ST18: variants seen among roughly 807,000 people sequenced by gnomAD.
The protein encoded by ST18 is suppression of tumorigenicity 18 protein.
A neutral mutation model predicts 110.0 loss-of-function variants in ST18; 50 were observed. That is an observed-to-expected ratio of 0.45 (90% CI 0.36 to 0.58). The LOEUF is 0.58. Among genes scored for constraint, ST18 ranks in the 20% least tolerant of loss-of-function variants. The pLI, the probability that ST18 is intolerant of heterozygous loss-of-function variation, is 0.00. For synonymous variants in ST18, 461 were observed against 452.4 expected, an observed-to-expected ratio of 1.02 and a Z score of -0.24; for missense variants, 1,306 against 1,280.1, an observed-to-expected ratio of 1.02 and a Z score of -0.31.
At chr8:52,294,035 A>C (rs2139397460) in intron 2 of ST18, among the ~76,000 whole-genome samples, 1 of 152,278 alleles carries the variant, frequency 6.6e-6, no homozygotes, top group South Asian at 2.1e-4. Context: ...TCACTGCACA[A>C]GGCTCACAGG....
chr8:52,293,401 A>C (rs1003580701), intron 2 of ST18, among the ~76,000 whole-genome samples: 4 of 152,246 alleles, frequency 2.6e-5, no homozygotes, highest in Non-Finnish European at 4.4e-5. Context: ...CCACTGTGAC[A>C]GGTAACTTAG....
At chr8:52,322,371 C>A (rs1804336987) in intron 2 of ST18, among the ~76,000 whole-genome samples, 1 of 152,130 alleles carries the variant, frequency 6.6e-6, no homozygotes. Context: ...CAACAAAGGG[C>A]AGTTTTCATG....
In ST18 at chr8:52,142,969, G is replaced by A. The variant is rs2055790406; in HGVS notation, c.2129C>T (p.Pro710Leu). 1 of 1,613,886 alleles carries A rather than the reference G, an allele frequency of 6.2e-7. No homozygotes were observed. The highest frequency in any genetic ancestry group is 1.3e-5 in the African/African-American group (1 of 74,864). ...PGEASIPSPK[P>L]KLHARDLKKE... Reference sequence around the variant, plus strand: ...TTTGAGATCTCTTGCATGAAGCTTGGGTTTAGGGCTTGGTATAGAGGCCTC... The same window carrying A: ...TTTGAGATCTCTTGCATGAAGCTTGAGTTTAGGGCTTGGTATAGAGGCCTC... The change falls in exon 17 of 26, where the codon CCC becomes CTC. Residue 710 changes from proline to leucine, a missense_variant. Pro to Leu is a moderately conservative substitution (Grantham distance 98). Transcript: ENST00000689386.
At chr8:52,186,991 A>G (rs1199193541) in intron 8 of ST18, among the ~76,000 whole-genome samples, 1 of 152,096 alleles carries the variant, frequency 6.6e-6, no homozygotes, top group African/African-American at 2.4e-5. Context: ...AAGGCTATAC[A>G]TACATAAGTT....
In ST18 at chr8:52,316,410, T is replaced by C. The variant is rs185292852; in HGVS notation, c.-464-86333A>G. 7.2e-5 allele frequency among the ~76,000 whole-genome samples: 11 copies of C among 152,354 alleles called. 1 individual carries two copies. The highest frequency in any genetic ancestry group is 5.2e-4 in the Admixed American group (8 of 15,308). On this transcript the variant is annotated intron_variant, in intron 2 of 25. Transcript: ENST00000689386. ...TGCTGTGTACAGACCCTCATCTACC[T>C]GTGACATTAGCAAACTTTATAATTT...
At chr8:52,378,664 T>C (rs927589193) in intron 2 of ST18, among the ~76,000 whole-genome samples, 14 of 152,222 alleles carry the variant, frequency 9.2e-5, no homozygotes, top group Admixed American at 3.3e-4. Flanking sequence ...TTTTCAAACA[T>C]TGGGGAGTGT....
intron 2 of ST18, among the ~76,000 whole-genome samples, chr8:52,378,625 C>T (rs1387177974): frequency 1.3e-5 from 2 of 152,130 alleles, no homozygotes; most frequent in Non-Finnish European, 2.9e-5. Context: ...ATAATAAATC[C>T]TATATACATA....
At chr8:52,351,791 A>T (rs1043012301) in intron 2 of ST18, among the ~76,000 whole-genome samples, 1 of 152,224 alleles carries the variant, frequency 6.6e-6, no homozygotes, top group African/African-American at 2.4e-5. Context: ...TATTTTGAGG[A>T]CAAATGGCAT....
chr8:52,181,712 CATG>C (rs1341013395), intron 8 of ST18, among the ~76,000 whole-genome samples: 1 of 152,068 alleles, frequency 6.6e-6, no homozygotes, highest in East Asian at 1.9e-4. Flanking sequence ...CAAACACCAC[CATG>C]ATAAGAAGAT....
intron 8 of ST18, chr8:52,194,315 G>A (rs1372728791): frequency 6.6e-6 from 1 of 152,210 alleles, no homozygotes; most frequent in Non-Finnish European, 1.5e-5. Flanking sequence ...TCCAGTGACA[G>A]CGTCACAATA....
chr8:52,292,010 A>G (rs1005727658), intron 2 of ST18, among the ~76,000 whole-genome samples: 1 of 152,178 alleles, frequency 6.6e-6, no homozygotes, highest in Non-Finnish European at 1.5e-5. Flanking sequence ...CCTGGATTCA[A>G]GCTGTCTGCC....
At chr8:52,137,702 G>C in intron 17 of ST18, 1 of 482,322 alleles carries the variant, frequency 2.1e-6, no homozygotes. Flanking sequence ...ACTTCCTTAG[G>C]TACCTGTTTC....
At chr8:52,375,659 T>C (rs751674628) in intron 2 of ST18, among the ~76,000 whole-genome samples, 1 of 152,194 alleles carries the variant, frequency 6.6e-6, no homozygotes, top group Non-Finnish European at 1.5e-5. Flanking sequence ...GCCATGGTGA[T>C]AGCACAGATT....
chr8:52,177,299 G>T (rs2067303602), intron 9 of ST18, among the ~76,000 whole-genome samples: 1 of 152,190 alleles, frequency 6.6e-6, no homozygotes, highest in Non-Finnish European at 1.5e-5. Flanking sequence ...GCAGGTTGAG[G>T]ATATGGATGA....
intron 2 of ST18, among the ~76,000 whole-genome samples, chr8:52,260,974 T>C (rs890796029): frequency 6.6e-6 from 1 of 152,184 alleles, no homozygotes; most frequent in Non-Finnish European, 1.5e-5. Context: ...GACTGAATAG[T>C]TGGCATTTAA....
intron 2 of ST18, among the ~76,000 whole-genome samples, chr8:52,402,948 G>A (rs1843251194): frequency 6.6e-6 from 1 of 152,168 alleles, no homozygotes; most frequent in Non-Finnish European, 1.5e-5. Flanking sequence ...GGAACCTGAA[G>A]AGCACACTGC....
At chr8:52,230,662 A>AT (rs908457971) in intron 2 of ST18, among the ~76,000 whole-genome samples, 13 of 141,180 alleles carry the variant, frequency 9.2e-5, no homozygotes, top group East Asian at 1.9e-4. Context: ...TTTCAAAAGG[A>AT]TTTTTTTTAA....
chr8:52,339,015 A>G (rs1053473756), intron 2 of ST18, among the ~76,000 whole-genome samples: 1 of 152,144 alleles, frequency 6.6e-6, no homozygotes, highest in Non-Finnish European at 1.5e-5. Context: ...AGTAGCTCAC[A>G]GTTCTTTAAG....
At chr8:52,309,542 A>G (rs889760066) in intron 2 of ST18, among the ~76,000 whole-genome samples, 88 of 151,174 alleles carry the variant, frequency 5.8e-4, no homozygotes, top group African/African-American at 2.1e-3. Flanking sequence ...AAAAAAAAAA[A>G]AAGAAATCAC....
Sources: gnomAD v4.1 joint callset for allele counts (sites outside exome capture counted in the v4.1 genomes callset) on GRCh38, gnomAD v4.1.1 for gene constraint, MANE v1.5 for transcripts, NCBI Gene and HGNC (gene_info 2026-07-23, HGNC 2026-07-21) for gene names.